Variants in OPCML observed in about 807,000 individuals in gnomAD.
The protein encoded by OPCML is opioid-binding protein/cell adhesion molecule.
OPCML carries 13 observed loss-of-function variants against 37.8 expected under a neutral mutation model. The observed-to-expected ratio is 0.34, with a 90% CI of 0.22 to 0.55. The LOEUF (loss-of-function observed/expected upper bound fraction) is 0.55. Ranked by LOEUF, OPCML falls within the 20% of genes least tolerant of loss-of-function variation. The pLI is 0.91. For synonymous variants in OPCML, 176 were observed against 168.8 expected, an observed-to-expected ratio of 1.04 and a Z score of -0.33; for missense variants, 341 against 435.6, an observed-to-expected ratio of 0.78 and a Z score of 1.93.
chr11:133,079,960 C>T (rs1948684469), intron 1 of OPCML, among the ~76,000 whole-genome samples: 1 of 152,172 alleles, frequency 6.6e-6, no homozygotes, highest in Admixed American at 6.5e-5. Context: ...TTTTGAACTT[C>T]AACCATGTTA....
intron 1 of OPCML, among the ~76,000 whole-genome samples, chr11:133,403,246 T>C (rs550135375): frequency 1.3e-5 from 2 of 152,214 alleles, no homozygotes; most frequent in Non-Finnish European, 2.9e-5. Context: ...TCAAATAAAA[T>C]AGTATACTTA....
At chr11:133,422,377 T>TTATACATATATATATATATATATA (rs1945907662) in intron 1 of OPCML, 1 of 636,472 alleles carries the variant, frequency 1.6e-6, no homozygotes, top group African/African-American at 3.3e-5. Flanking sequence ...ACCAAAGACA[T>TTATACATATATATATATATATATA]TATATATATA....
intron 2 of OPCML, among the ~76,000 whole-genome samples, chr11:132,853,714 G>C (rs539670895): frequency 1.3e-5 from 2 of 152,158 alleles, no homozygotes; most frequent in South Asian, 4.2e-4. Context: ...GTTCATGGCT[G>C]GTTTCTTTCA....
At chr11:133,182,585 T>C (rs552339397) in intron 1 of OPCML, among the ~76,000 whole-genome samples, 80 of 152,234 alleles carry the variant, frequency 5.3e-4, no homozygotes, top group Middle Eastern at 6.8e-3. Context: ...AGGGGTATCC[T>C]AATGTCCAGG....
chr11:132,462,441 A>G (rs2096105708), intron 4 of OPCML, among the ~76,000 whole-genome samples: 1 of 152,216 alleles, frequency 6.6e-6, no homozygotes, highest in African/African-American at 2.4e-5. Flanking sequence ...AGCCCCACAC[A>G]GGAGATCACA....
intron 1 of OPCML, chr11:133,008,287 A>C (rs1191574847): frequency 1.0e-6 from 1 of 985,296 alleles, no homozygotes; most frequent in African/African-American, 1.7e-5. Flanking sequence ...TTGACAATCA[A>C]TTGTGGTGCA....
chr11:133,082,157 C>T (rs1948731581), intron 1 of OPCML, among the ~76,000 whole-genome samples: 1 of 151,880 alleles, frequency 6.6e-6, no homozygotes, highest in South Asian at 2.1e-4. Flanking sequence ...CAGGACAAGC[C>T]CGGGCCTGGG....
chr11:133,149,850 G>A (rs978099515), intron 1 of OPCML, among the ~76,000 whole-genome samples: 1 of 152,154 alleles, frequency 6.6e-6, no homozygotes, highest in Non-Finnish European at 1.5e-5. Context: ...GGATCGTCTG[G>A]GGAGATAAAA....
In OPCML at chr11:133,211,341, A is replaced by G. The variant is rs971550808; in HGVS notation, c.62-268331T>C. Among the ~76,000 whole-genome samples, 2 of 152,150 alleles carry G rather than the reference A, an allele frequency of 1.3e-5. No homozygotes were observed. Among genetic ancestry groups the G allele is most frequent in the Non-Finnish European group, 2.9e-5 (2 of 68,036 alleles). On this transcript the variant is annotated intron_variant, in intron 1 of 7. Transcript: ENST00000524381. The surrounding 1 kb of genome is among the most constrained non-coding windows in gnomAD (Gnocchi z 4.1). ...CTTTAAGCATAATAGTCTATTGATT[A>G]CCTCAGTTATTGAACCCTGGGAAGT...
At chr11:132,808,341 C>A (rs1423392957) in intron 2 of OPCML, among the ~76,000 whole-genome samples, 2 of 152,202 alleles carry the variant, frequency 1.3e-5, no homozygotes, top group African/African-American at 4.8e-5. Context: ...AGCAGGAAGA[C>A]CTGCCTGAAA....
At chr11:132,689,921 A>G (rs917021820) in intron 2 of OPCML, among the ~76,000 whole-genome samples, 1 of 152,240 alleles carries the variant, frequency 6.6e-6, no homozygotes, top group African/African-American at 2.4e-5. Flanking sequence ...ATTTATAGGA[A>G]AAAAACTATG....
At chr11:132,640,783 T>C in intron 3 of OPCML, among the ~76,000 whole-genome samples, 1 of 152,104 alleles carries the variant, frequency 6.6e-6, no homozygotes, top group Non-Finnish European at 1.5e-5. Flanking sequence ...ATATGACACC[T>C]TCAGGTATTT....
At chr11:133,289,331 C>T (rs1046712414) in intron 1 of OPCML, among the ~76,000 whole-genome samples, 3 of 152,094 alleles carry the variant, frequency 2.0e-5, no homozygotes, top group Non-Finnish European at 4.4e-5. Context: ...CGCGGTGGCT[C>T]ACGCCTGTAA....
intron 1 of OPCML, among the ~76,000 whole-genome samples, chr11:133,149,744 C>T (rs978641921): frequency 2.6e-5 from 4 of 152,186 alleles, no homozygotes; most frequent in Non-Finnish European, 4.4e-5. Flanking sequence ...TCTGGCTGAC[C>T]GTTAGGCCAC....
At chr11:133,207,339 G>A (rs1177492777) in intron 1 of OPCML, among the ~76,000 whole-genome samples, 1 of 151,882 alleles carries the variant, frequency 6.6e-6, no homozygotes, top group Non-Finnish European at 1.5e-5. Flanking sequence ...GAACATCTCC[G>A]TCTAAATGGT....
chr11:133,247,431 T>C (rs912365127), intron 1 of OPCML, among the ~76,000 whole-genome samples: 8 of 152,160 alleles, frequency 5.3e-5, no homozygotes, highest in African/African-American at 1.9e-4. Flanking sequence ...TACAATACAA[T>C]TGGGGAGATG....
At chr11:133,209,201 C>T (rs1219831987) in intron 1 of OPCML, among the ~76,000 whole-genome samples, 1 of 152,114 alleles carries the variant, frequency 6.6e-6, no homozygotes, top group Non-Finnish European at 1.5e-5. Flanking sequence ...AGATTAAAAA[C>T]TATATAAGGA....
intron 2 of OPCML, among the ~76,000 whole-genome samples, chr11:132,681,950 G>A (rs1236112964): frequency 3.3e-5 from 5 of 149,590 alleles, no homozygotes; most frequent in South Asian, 2.1e-4. Context: ...GAGAGATTCC[G>A]TCTCAAAAAA....
At chr11:132,511,963 A>C (rs1477403248) in intron 4 of OPCML, among the ~76,000 whole-genome samples, 1 of 152,094 alleles carries the variant, frequency 6.6e-6, no homozygotes, top group Non-Finnish European at 1.5e-5. Flanking sequence ...AATTATTCCG[A>C]ATACATATAG....
Sources: gnomAD v4.1 joint callset for allele counts (sites outside exome capture counted in the v4.1 genomes callset) on GRCh38, gnomAD v4.1.1 for gene constraint, Gnocchi (gnomAD v3.1) non-coding constraint, MANE v1.5 for transcripts, NCBI Gene and HGNC (gene_info 2026-07-23, HGNC 2026-07-21) for gene names.